ZFP1: variants seen among roughly 807,000 people sequenced by gnomAD.
ZFP1 encodes the protein ZFP1 zinc finger protein.
ZFP1 carries 32 observed loss-of-function variants against 38.5 expected under a neutral mutation model. The observed-to-expected ratio is 0.83, with a 90% CI of 0.63 to 1.12. ZFP1 has a LOEUF of 1.12. Ranked by LOEUF, ZFP1 falls within the 50% of genes most tolerant of loss-of-function variation. The probability of loss-of-function intolerance (pLI) is 0.00; values close to 1 mark genes in which losing one functional copy is unlikely to be tolerated. For synonymous variants in ZFP1, 245 were observed against 168.8 expected (o/e 1.45, Z -3.50); for missense variants, 616 against 480.8 (o/e 1.28, Z -2.63).
upstream of ZFP1, among the ~76,000 whole-genome samples, chr16:75,143,835 T>G (rs1369582203): frequency 6.6e-6 from 1 of 151,668 alleles, no homozygotes; most frequent in African/African-American, 2.4e-5. Context: ...TTTATTTTTT[T>G]GGTAGAGATG....
chr16:75,169,191 ATTCGGTAACAT>A (rs2038274853), intron 3 of ZFP1, 51 bp from the exon 4 acceptor site: 5 of 1,518,932 alleles, frequency 3.3e-6, no homozygotes, highest in Admixed American at 4.5e-5. Context: ...AAGACTTCCC[ATTCGGTAACAT>A]TATAGCGGAG....
upstream of ZFP1, among the ~76,000 whole-genome samples, chr16:75,147,859 G>A (rs931697970): frequency 1.2e-4 from 18 of 152,148 alleles, no homozygotes; most frequent in South Asian, 2.1e-4. Context: ...GCTATGTGAC[G>A]ATAGTTGACA....
chr16:75,121,762 T>A, the ZFP1 span, among the ~76,000 whole-genome samples: 1 of 152,212 alleles, frequency 6.6e-6, no homozygotes, highest in East Asian at 1.9e-4. Flanking sequence ...TCGAATGAAA[T>A]GCTTTATCAG....
chr16:75,140,599 G>A, the ZFP1 span, among the ~76,000 whole-genome samples: 1 of 152,184 alleles, frequency 6.6e-6, no homozygotes, highest in Non-Finnish European at 1.5e-5. Flanking sequence ...CATGGCGCCT[G>A]CCACCAGCAG....
chr16:75,126,023 C>T, the ZFP1 span, among the ~76,000 whole-genome samples: 1 of 133,518 alleles, frequency 7.5e-6, no homozygotes, highest in Non-Finnish European at 1.6e-5. Context: ...GAACTCCAGC[C>T]TGGGCAACAG....
rs1427133066 is a variant in ZFP1 at position 75,170,181 on chromosome 16, C to T, written c.1071C>T (p.Cys357=). 14 of 1,613,928 alleles carry T rather than the reference C, an allele frequency of 8.7e-6. No homozygotes were observed. Among genetic ancestry groups the T allele is most frequent in the Admixed American group, 1.7e-5 (1 of 59,988 alleles). ...AGAAACCCTATGAATGTACTGAGTG[C>T]GGCAAAACTTTCAGCCAGAGGTCAA... ...TGEKPYECTE[C]GKTFSQRSTL... The change falls in exon 4 of 4, where the codon TGC becomes TGT. Residue 357 remains cysteine, a synonymous_variant. Transcript: ENST00000570010.
Position 75,170,544 on chromosome 16 carries a change from G to A in ZFP1, c.*210G>A. 1 of 682,340 alleles carries A rather than the reference G, an allele frequency of 1.5e-6. No individual in the cohort carries two copies. Among genetic ancestry groups the A allele is most frequent in the Non-Finnish European group, 2.1e-6 (1 of 465,818 alleles). The allele number at this position is 682,340 out of a possible 1,614,324, so 42.3% of individuals were successfully genotyped here. Reference sequence around the variant, plus strand: ...AAGAATACATATCAGAATATATCCAGTTGTAAATAGCCATACCCAGTTGTA... The same window carrying A: ...AAGAATACATATCAGAATATATCCAATTGTAAATAGCCATACCCAGTTGTA... On this transcript the variant is annotated 3_prime_UTR_variant, in exon 4 of 4. Transcript: ENST00000570010.
chr16:75,162,849 TA>T (rs2037855279), intron 2 of ZFP1, among the ~76,000 whole-genome samples: 1 of 152,238 alleles, frequency 6.6e-6, no homozygotes, highest in African/African-American at 2.4e-5. Context: ...TTCATTCTTT[TA>T]TATGGCTGTG....
At chr16:75,140,938 G>A in the ZFP1 span, among the ~76,000 whole-genome samples, 17 of 151,922 alleles carry the variant, frequency 1.1e-4, no homozygotes, top group East Asian at 3.9e-4. Flanking sequence ...TAGCCTGGGC[G>A]ACAGAGCAAG....
chr16:75,164,972 A>AT (rs1283035983), intron 2 of ZFP1, among the ~76,000 whole-genome samples: 3 of 151,936 alleles, frequency 2.0e-5, no homozygotes, highest in African/African-American at 4.8e-5. Context: ...TGCCCGGCTA[A>AT]TTTTGTATTT....
At chr16:75,123,057 A>G in the ZFP1 span, among the ~76,000 whole-genome samples, 7,116 of 152,264 alleles carry the variant, frequency 0.047, 557 homozygotes, top group African/African-American at 0.16. Context: ...GTATTTTCCA[A>G]TAAAAATATA....
At chr16:75,161,213 T>C (rs972709626) in intron 2 of ZFP1, among the ~76,000 whole-genome samples, 3 of 151,932 alleles carry the variant, frequency 2.0e-5, no homozygotes, top group African/African-American at 4.8e-5. Context: ...GATTACAAGG[T>C]GTGCGCCACC....
Position 75,161,774 on chromosome 16 carries a change from ATTTTTTTTTTT to A in ZFP1, c.16-4980_16-4970del, listed in dbSNP as rs200925992. On this transcript the variant is annotated intron_variant, in intron 2 of 3. Transcript: ENST00000570010. Reference sequence around the variant, plus strand: ...TTTTATGAAATATATATATATATATATTTTTTTTTTTTTTTTTTTTTTTTTTCCTGAGATGG... The same window carrying A: ...TTTTATGAAATATATATATATATATATTTTTTTTTTTTTTTCCTGAGATGG... Among the ~76,000 whole-genome samples, 287 of 7,834 alleles carry A rather than the reference ATTTTTTTTTTT, an allele frequency of 0.037. 32 individuals carry two copies. The East Asian group carries it at 0.41, about 11-fold the overall frequency. The allele number at this position is 7,834 out of a possible 152,430, so 5.1% of individuals were successfully genotyped here. A position where few individuals can be genotyped will look rare whatever the true frequency, so the allele number is the denominator to read the frequency against.
the ZFP1 span, among the ~76,000 whole-genome samples, chr16:75,133,446 C>T: frequency 1.3e-5 from 2 of 152,120 alleles, no homozygotes; most frequent in Admixed American, 1.3e-4. Context: ...AGATAGACCC[C>T]AGCATCTGTT....
intron 3 of ZFP1, among the ~76,000 whole-genome samples, chr16:75,168,601 T>G (rs1769044487): frequency 6.6e-6 from 1 of 152,116 alleles, no homozygotes; most frequent in Admixed American, 6.5e-5. Context: ...GTAAGGGTTG[T>G]GTATCTCTTA....
At chr16:75,139,387 A>C in the ZFP1 span, among the ~76,000 whole-genome samples, 17 of 144,222 alleles carry the variant, frequency 1.2e-4, no homozygotes, top group South Asian at 2.3e-3. Context: ...AAAAAAAAAA[A>C]AAAAAAAAAC....
At chr16:75,148,117 A>G (rs1351506167), upstream of ZFP1, among the ~76,000 whole-genome samples, 2 of 152,228 alleles carry the variant, frequency 1.3e-5, no homozygotes, top group East Asian at 1.9e-4. Context: ...TTTTGTAACA[A>G]CAACAAAAAA....
At chr16:75,139,385 A>AAAACAAAAC in the ZFP1 span, among the ~76,000 whole-genome samples, 5 of 146,834 alleles carry the variant, frequency 3.4e-5, no homozygotes, top group East Asian at 3.9e-4. Flanking sequence ...AAAAAAAAAA[A>AAAACAAAAC]AAAAAAAAAA....
chr16:75,127,552 C>G, the ZFP1 span, among the ~76,000 whole-genome samples: 5 of 152,192 alleles, frequency 3.3e-5, no homozygotes, highest in East Asian at 9.7e-4. Context: ...AACTCCTGGC[C>G]TCAAGAGATC....
Sources: gnomAD v4.1 joint callset for allele counts (sites outside exome capture counted in the v4.1 genomes callset) on GRCh38, gnomAD v4.1.1 for gene constraint, MANE v1.5 for transcripts, NCBI Gene and HGNC (gene_info 2026-07-23, HGNC 2026-07-21) for gene names.